Variants in C8orf34 observed in about 807,000 individuals in gnomAD.
C8orf34 encodes the protein chromosome 8 open reading frame 34, also known as uncharacterized protein C8orf34.
A neutral mutation model predicts 68.3 loss-of-function variants in C8orf34; 65 were observed. The observed-to-expected ratio is 0.95, with a 90% CI of 0.78 to 1.17. The LOEUF (loss-of-function observed/expected upper bound fraction) is 1.17. Ranked by LOEUF, C8orf34 falls within the 50% of genes most tolerant of loss-of-function variation. The probability of loss-of-function intolerance (pLI) is 0.00; values close to 1 mark genes in which losing one functional copy is unlikely to be tolerated. For missense variants in C8orf34, 664 were observed against 655.4 expected (o/e 1.01, Z -0.14); for synonymous variants, 244 against 241.2 (o/e 1.01, Z -0.11).
At chr8:68,737,732 T>C (rs1241600165) in intron 10 of C8orf34, among the ~76,000 whole-genome samples, 1 of 152,012 alleles carries the variant, frequency 6.6e-6, no homozygotes, top group South Asian at 2.1e-4. Flanking sequence ...ATATCCTATA[T>C]ATACATGCAC....
chr8:68,465,559 C>G (rs1212353196), intron 3 of C8orf34, among the ~76,000 whole-genome samples: 1 of 152,024 alleles, frequency 6.6e-6, no homozygotes, highest in Non-Finnish European at 1.5e-5. Flanking sequence ...CCCAAATGTC[C>G]AACAATGATA....
chr8:68,333,091 G>A (rs6982194), intron 1 of C8orf34, among the ~76,000 whole-genome samples: 5,909 of 152,066 alleles, frequency 0.039, 382 homozygotes, highest in African/African-American at 0.13. Context: ...AATAAATACT[G>A]TTTTAATTTG....
chr8:68,642,541 C>CT, intron 8 of C8orf34, among the ~76,000 whole-genome samples: 1 of 152,316 alleles, frequency 6.6e-6, no homozygotes, highest in Non-Finnish European at 1.5e-5. Context: ...AGACCAAGGA[C>CT]TTTACTACTT....
Position 68,387,178 on chromosome 8 carries a change from C to T in C8orf34, c.328-52321C>T, listed in dbSNP as rs568469061. ...GCAGTAGCCTTATTCTGCACATGGA[C>T]CGACTTCAGTGTCAGGCAGGAAGTG... On this transcript the variant is annotated intron_variant, in intron 1 of 13. Coordinates refer to ENST00000518698, the MANE Select transcript of C8orf34 (RefSeq NM_052958.4). 3.9e-5 allele frequency among the ~76,000 whole-genome samples: 6 copies of T among 152,022 alleles called. No homozygotes were observed. In the South Asian group the frequency reaches 1.2e-3, roughly 32 times the overall value.
At chr8:68,800,380 A>C (rs915997695) in intron 12 of C8orf34, among the ~76,000 whole-genome samples, 1 of 152,162 alleles carries the variant, frequency 6.6e-6, no homozygotes, top group Non-Finnish European at 1.5e-5. Context: ...TTTTTTAAGA[A>C]AGCTATCTAT....
chr8:68,465,915 A>T (rs1351882524), intron 3 of C8orf34, among the ~76,000 whole-genome samples: 4 of 151,932 alleles, frequency 2.6e-5, no homozygotes, highest in Non-Finnish European at 5.9e-5. Flanking sequence ...ACTGACCTGC[A>T]CATTGTGCAC....
intron 1 of C8orf34, among the ~76,000 whole-genome samples, chr8:68,381,773 A>G (rs1372807973): frequency 6.7e-6 from 1 of 149,544 alleles, no homozygotes; most frequent in African/African-American, 2.5e-5. Flanking sequence ...TAGGTATATT[A>G]AATGGCTTAC....
chr8:68,442,117 G>C (rs1810933920), intron 2 of C8orf34, among the ~76,000 whole-genome samples: 1 of 152,136 alleles, frequency 6.6e-6, no homozygotes, highest in African/African-American at 2.4e-5. Flanking sequence ...GAAGGCAAGT[G>C]TGAGATGACT....
chr8:68,741,237 TA>T (rs1822282374), intron 10 of C8orf34, among the ~76,000 whole-genome samples: 1 of 152,144 alleles, frequency 6.6e-6, no homozygotes, highest in South Asian at 2.1e-4. Flanking sequence ...AAAAGTTAAA[TA>T]AAAAAATTCT....
chr8:68,652,513 A>G (rs1439386674), intron 8 of C8orf34, among the ~76,000 whole-genome samples: 1 of 152,152 alleles, frequency 6.6e-6, no homozygotes, highest in Non-Finnish European at 1.5e-5. Context: ...ATTTATTCCT[A>G]TGTGATCTTC....
intron 1 of C8orf34, among the ~76,000 whole-genome samples, chr8:68,424,503 T>C (rs371507013): frequency 2.0e-5 from 3 of 152,090 alleles, no homozygotes; most frequent in African/African-American, 7.2e-5. Flanking sequence ...TCAAGAAGAA[T>C]TGGATGTTGA....
At chr8:68,707,627 G>T (rs972394520) in intron 8 of C8orf34, among the ~76,000 whole-genome samples, 6 of 152,056 alleles carry the variant, frequency 3.9e-5, no homozygotes, top group African/African-American at 1.4e-4. Flanking sequence ...CCCAGTTGGA[G>T]TGCAGTGGCG....
intron 7 of C8orf34, among the ~76,000 whole-genome samples, chr8:68,637,760 G>A (rs776759768): frequency 2.6e-5 from 4 of 152,078 alleles, no homozygotes; most frequent in East Asian, 1.9e-4. Flanking sequence ...TAGCAAAATC[G>A]CAGGTTGATT....
At chr8:68,477,643 T>C (rs1018579806) in intron 4 of C8orf34, among the ~76,000 whole-genome samples, 16 of 152,228 alleles carry the variant, frequency 1.1e-4, no homozygotes, top group Non-Finnish European at 2.4e-4. Context: ...GAGCCAACCC[T>C]GCATTTCCCC....
chr8:68,776,601 G>T, intron 11 of C8orf34, 152 bp downstream of exon 11: 1 of 567,132 alleles, frequency 1.8e-6, no homozygotes, highest in African/African-American at 1.9e-5. Flanking sequence ...TAAATAATAG[G>T]TTAGCAAGAC....
chr8:68,367,982 T>C (rs1807385577), intron 1 of C8orf34, among the ~76,000 whole-genome samples: 4 of 149,706 alleles, frequency 2.7e-5, no homozygotes, highest in Admixed American at 2.7e-4. Flanking sequence ...ACTGGTAATT[T>C]CTACTCTGCT....
intron 8 of C8orf34, among the ~76,000 whole-genome samples, chr8:68,685,128 C>T (rs972944845): frequency 2.6e-5 from 4 of 152,060 alleles, no homozygotes; most frequent in East Asian, 1.9e-4. Context: ...TTTCATACTA[C>T]GGTAACATAT....
intron 9 of C8orf34, among the ~76,000 whole-genome samples, chr8:68,709,751 T>C (rs1821278450): frequency 6.6e-6 from 1 of 152,166 alleles, no homozygotes; most frequent in Admixed American, 6.6e-5. Flanking sequence ...TTATTTAATT[T>C]CCATTTTCTA....
intron 10 of C8orf34, among the ~76,000 whole-genome samples, chr8:68,737,029 A>G (rs1822141238): frequency 6.6e-6 from 1 of 152,220 alleles, no homozygotes; most frequent in Admixed American, 6.5e-5. Context: ...TAATATTATT[A>G]TCATCATTGT....
Sources: gnomAD v4.1 joint callset for allele counts (sites outside exome capture counted in the v4.1 genomes callset) on GRCh38, gnomAD v4.1.1 for gene constraint, MANE v1.5 for transcripts, NCBI Gene and HGNC (gene_info 2026-07-23, HGNC 2026-07-21) for gene names.